Variants in FHIP2A observed in about 807,000 individuals in gnomAD.
The protein encoded by FHIP2A is FHF complex subunit HOOK interacting protein 2A.
In FHIP2A, 46 loss-of-function variants were observed where a neutral mutation model predicts 93.5. The ratio of observed to expected loss-of-function variants is 0.49; its 90% confidence interval spans 0.39 to 0.63. FHIP2A has a LOEUF of 0.63. Ranked by LOEUF, FHIP2A falls within the 20% of genes least tolerant of loss-of-function variation. The pLI, the probability that FHIP2A is intolerant of heterozygous loss-of-function variation, is 0.00. For synonymous variants in FHIP2A, 332 were observed against 326.5 expected (o/e 1.02, Z -0.18); for missense variants, 769 against 909.7 (o/e 0.85, Z 1.99).
intron 16 of FHIP2A, among the ~76,000 whole-genome samples, chr10:114,881,621 C>T (rs1029817241): frequency 1.3e-5 from 2 of 152,076 alleles, no homozygotes; most frequent in Non-Finnish European, 2.9e-5. Flanking sequence ...ATGTAAGGAA[C>T]TTCAGAGATT....
chr10:114,873,307 G>A (rs888151724), intron 16 of FHIP2A, among the ~76,000 whole-genome samples: 24 of 152,196 alleles, frequency 1.6e-4, no homozygotes, highest in Non-Finnish European at 7.3e-5. Flanking sequence ...CTGGGATTGT[G>A]GATGTTACAG....
At chr10:114,831,762 T>C (rs1460480014) in intron 2 of FHIP2A, among the ~76,000 whole-genome samples, 4 of 152,230 alleles carry the variant, frequency 2.6e-5, no homozygotes, top group Non-Finnish European at 5.9e-5. Flanking sequence ...TTATAGTTGT[T>C]GGTGACTGAT....
At chr10:114,871,907 C>T (rs948742871) in intron 16 of FHIP2A, among the ~76,000 whole-genome samples, 3 of 152,132 alleles carry the variant, frequency 2.0e-5, no homozygotes, top group African/African-American at 7.2e-5. Flanking sequence ...TGAATGTAGG[C>T]CACCAATAAA....
intron 3 of FHIP2A, among the ~76,000 whole-genome samples, chr10:114,834,654 C>T (rs564080441): frequency 5.9e-5 from 9 of 152,214 alleles, no homozygotes; most frequent in African/African-American, 2.2e-4. Context: ...TGTGAGTGAT[C>T]ATTGGGTTTA....
chr10:114,838,411 A>T (rs1473798727), intron 5 of FHIP2A, among the ~76,000 whole-genome samples: 1 of 152,146 alleles, frequency 6.6e-6, no homozygotes, highest in Non-Finnish European at 1.5e-5. Context: ...GATGTGCGTT[A>T]TATTTTGTAT....
At chr10:114,847,750 C>CTTTT (rs35185002) in intron 12 of FHIP2A, among the ~76,000 whole-genome samples, 2 of 139,042 alleles carry the variant, frequency 1.4e-5, no homozygotes, top group Non-Finnish European at 3.1e-5. Context: ...CCTCCCCCAC[C>CTTTT]TTTTTTTTTT....
chr10:114,898,126 A>G (rs1056814767), intron 16 of FHIP2A, among the ~76,000 whole-genome samples: 2 of 152,212 alleles, frequency 1.3e-5, no homozygotes, highest in African/African-American at 2.4e-5. Context: ...AGAGATGGAC[A>G]GTGCCCCTTT....
chr10:114,872,829 C>A (rs958368469), intron 16 of FHIP2A, among the ~76,000 whole-genome samples: 2 of 152,162 alleles, frequency 1.3e-5, no homozygotes, highest in Non-Finnish European at 2.9e-5. Context: ...CATTTAAAAC[C>A]AAGCAATGAT....
chr10:114,881,507 G>C (rs1050102023), intron 16 of FHIP2A, among the ~76,000 whole-genome samples: 3 of 152,122 alleles, frequency 2.0e-5, no homozygotes, highest in African/African-American at 7.2e-5. Flanking sequence ...GGATTCCCCA[G>C]CTGGCCAGTA....
At position 114,898,364 on chromosome 10, in the gene FHIP2A, G is replaced by A. The variant is rs144246581; in HGVS notation, c.2193-1126G>A. Among the ~76,000 whole-genome samples, 995 of 152,298 alleles carry A rather than the reference G, an allele frequency of 6.5e-3. 10 individuals are homozygous for A. The highest frequency in any genetic ancestry group is 0.023 in the African/African-American group (958 of 41,570). On this transcript the variant is annotated intron_variant, in intron 16 of 16. Transcript: ENST00000369250. ...GCATGGCACGTATATAGAATGGCCA[G>A]GGACATTCATACTCTTGCAAGTTTG...
chr10:114,898,098 T>C (rs1242421451), intron 16 of FHIP2A, among the ~76,000 whole-genome samples: 2 of 152,152 alleles, frequency 1.3e-5, no homozygotes, highest in African/African-American at 4.8e-5. Flanking sequence ...AGGGTGCATA[T>C]GGAAGCGAAG....
chr10:114,851,780 AT>A (rs1156306934), intron 13 of FHIP2A, among the ~76,000 whole-genome samples: 2 of 145,918 alleles, frequency 1.4e-5, no homozygotes, highest in Non-Finnish European at 3.0e-5. Context: ...TTGTAGATTG[AT>A]TGGAGAAGTA....
chr10:114,855,788 A>G (rs1037725722), intron 14 of FHIP2A, among the ~76,000 whole-genome samples: 14 of 152,224 alleles, frequency 9.2e-5, no homozygotes, highest in Non-Finnish European at 2.1e-4. Context: ...CAAAGCTTGT[A>G]AACGATACTC....
chr10:114,836,635 A>G (rs2083638381), intron 5 of FHIP2A, among the ~76,000 whole-genome samples: 1 of 152,234 alleles, frequency 6.6e-6, no homozygotes, highest in African/African-American at 2.4e-5. Flanking sequence ...TTTGGACAAG[A>G]TGGAAAAAAG....
chr10:114,858,917 C>T (rs993416148), intron 14 of FHIP2A, among the ~76,000 whole-genome samples: 1 of 151,996 alleles, frequency 6.6e-6, no homozygotes, highest in African/African-American at 2.4e-5. Flanking sequence ...ATGGATGTCC[C>T]AGTTACCCTA....
chr10:114,823,644 G>A (rs896525823), intron 1 of FHIP2A, among the ~76,000 whole-genome samples: 14 of 148,682 alleles, frequency 9.4e-5, no homozygotes, highest in African/African-American at 2.2e-4. Flanking sequence ...ACAGGCACCC[G>A]CCACCACACA....
chr10:114,897,837 A>T (rs2084008415), intron 16 of FHIP2A, among the ~76,000 whole-genome samples: 1 of 152,202 alleles, frequency 6.6e-6, no homozygotes, highest in South Asian at 2.1e-4. Context: ...TGAGCCTGGG[A>T]GGTCAAATCT....
chr10:114,827,762 A>G (rs1250029956), intron 1 of FHIP2A, among the ~76,000 whole-genome samples: 2 of 140,192 alleles, frequency 1.4e-5, no homozygotes, highest in Non-Finnish European at 3.0e-5. Flanking sequence ...ACGCCACTGC[A>G]CTCCAGCCTG....
chr10:114,844,046 C>G, intron 7 of FHIP2A, 109 bp downstream of exon 7: 1 of 748,272 alleles, frequency 1.3e-6, no homozygotes, highest in Non-Finnish European at 2.1e-6. Context: ...TTGAACACCA[C>G]TAGTGATCAT....
Sources: allele counts gnomAD v4.1 joint callset (sites outside exome capture counted in the v4.1 genomes callset), GRCh38; gene constraint gnomAD v4.1.1; transcripts MANE v1.5; gene names NCBI Gene and HGNC (gene_info 2026-07-23, HGNC 2026-07-21).